The following ASIC2 variants were observed in gnomAD, a reference collection of about 807,000 sequenced individuals.
ASIC2 encodes the protein acid sensing ion channel subunit 2.
ASIC2 carries 25 observed loss-of-function variants against 57.3 expected under a neutral mutation model. The ratio of observed to expected loss-of-function variants is 0.44; its 90% CI spans 0.32 to 0.61. The LOEUF (loss-of-function observed/expected upper bound fraction) is 0.61. Ranked by LOEUF, ASIC2 falls within the 20% of genes least tolerant of loss-of-function variation. The probability of loss-of-function intolerance (pLI) is 0.06; values close to 1 mark genes in which losing one functional copy is unlikely to be tolerated. For missense variants in ASIC2, 641 were observed against 738.1 expected (o/e 0.87, Z 1.52); for synonymous variants, 319 against 307.5 (o/e 1.04, Z -0.39).
chr17:33,391,122 A>T (rs1024274582), intron 1 of ASIC2, among the ~76,000 whole-genome samples: 5 of 152,202 alleles, frequency 3.3e-5, no homozygotes, highest in African/African-American at 4.8e-5. Flanking sequence ...AGAATATGAG[A>T]GCTGAAATGG....
At chr17:33,994,998 T>C (rs926008556) in intron 1 of ASIC2, among the ~76,000 whole-genome samples, 1 of 152,124 alleles carries the variant, frequency 6.6e-6, no homozygotes, top group Non-Finnish European at 1.5e-5. Context: ...ATTGGGGACA[T>C]CAAAGAAATC....
intron 1 of ASIC2, among the ~76,000 whole-genome samples, chr17:33,988,977 G>T (rs1042457495): frequency 2.0e-5 from 3 of 152,022 alleles, no homozygotes; most frequent in African/African-American, 4.8e-5. Context: ...CCACTTCTAT[G>T]CCCCTCCTCC....
intron 1 of ASIC2, among the ~76,000 whole-genome samples, chr17:33,761,211 A>G (rs974672840): frequency 7.2e-5 from 11 of 152,128 alleles, no homozygotes; most frequent in Admixed American, 2.6e-4. Flanking sequence ...CTGCAAATAC[A>G]CTATTCTCAG....
intron 1 of ASIC2, among the ~76,000 whole-genome samples, chr17:33,949,079 C>T (rs1242649595): frequency 6.7e-6 from 1 of 150,188 alleles, no homozygotes; most frequent in African/African-American, 2.4e-5. Flanking sequence ...GGCACAAAAC[C>T]TTCTTCTTTT....
intron 1 of ASIC2, among the ~76,000 whole-genome samples, chr17:33,866,138 C>T (rs1375303674): frequency 6.6e-6 from 1 of 152,046 alleles, no homozygotes; most frequent in Non-Finnish European, 1.5e-5. Context: ...ATTGATTTAT[C>T]CATTCCAATG....
chr17:33,514,373 C>G (rs539138802), intron 1 of ASIC2, among the ~76,000 whole-genome samples: 84 of 152,238 alleles, frequency 5.5e-4, no homozygotes, highest in African/African-American at 1.6e-3. Context: ...CTCCATCTCC[C>G]CATCCTCTCT....
chr17:33,573,820 C>T (rs868365702), intron 1 of ASIC2, among the ~76,000 whole-genome samples: 1 of 152,190 alleles, frequency 6.6e-6, no homozygotes. Flanking sequence ...CCCGCCTCGG[C>T]CTCCCAAAGT....
intron 1 of ASIC2, among the ~76,000 whole-genome samples, chr17:33,146,050 T>C (rs1265741294): frequency 6.6e-6 from 1 of 152,226 alleles, no homozygotes; most frequent in Non-Finnish European, 1.5e-5. Flanking sequence ...GCTATCTTAG[T>C]CACTTGAGCA....
chr17:34,149,864 A>G (rs917584873), intron 1 of ASIC2, among the ~76,000 whole-genome samples: 11 of 152,212 alleles, frequency 7.2e-5, no homozygotes, highest in African/African-American at 2.7e-4. Flanking sequence ...GAAGTACCAT[A>G]TGATCTAGCA....
intron 1 of ASIC2, among the ~76,000 whole-genome samples, chr17:33,843,963 G>A (rs1036841755): frequency 7.2e-5 from 11 of 152,146 alleles, no homozygotes; most frequent in African/African-American, 1.7e-4. Flanking sequence ...AACTGAACAC[G>A]AGGCTGTGTC....
At chr17:33,646,118 C>CG (rs1014359610) in intron 1 of ASIC2, among the ~76,000 whole-genome samples, 2 of 152,098 alleles carry the variant, frequency 1.3e-5, no homozygotes, top group African/African-American at 4.8e-5. Flanking sequence ...CCCAGCTCAC[C>CG]GGGGGTTTGG....
At chr17:33,667,923 A>G (rs1306796991) in intron 1 of ASIC2, among the ~76,000 whole-genome samples, 2 of 152,308 alleles carry the variant, frequency 1.3e-5, no homozygotes, top group East Asian at 3.9e-4. Flanking sequence ...CAACCTCGTG[A>G]CCATTATCGG....
At chr17:33,633,472 A>G (rs9910298) in intron 1 of ASIC2, among the ~76,000 whole-genome samples, 45,506 of 152,116 alleles carry the variant, frequency 0.3, 6,968 homozygotes, top group East Asian at 0.42. Context: ...TGGGTGCCCC[A>G]AACTTGGCCA....
intron 1 of ASIC2, among the ~76,000 whole-genome samples, chr17:33,324,294 G>A (rs1246404611): frequency 6.7e-6 from 1 of 148,550 alleles, no homozygotes; most frequent in Non-Finnish European, 1.5e-5. Context: ...ACAGAGCAAG[G>A]GTTTTTTTTT....
Position 33,875,095 on chromosome 17 carries a change from C to T in ASIC2, c.555+280883G>A, listed in dbSNP as rs564391733. On this transcript the variant is annotated intron_variant, in intron 1 of 9. Transcript: ENST00000359872. ...GAGAGCCAAAGGGAGTCCAGGAATG[C>T]GGGAATAATGCAGGGATTGGAATGT... Among the ~76,000 whole-genome samples the T allele has an allele frequency of 3.9e-5, 6 of 152,198 alleles. No individual in the cohort carries two copies. The East Asian group carries it at 9.7e-4, about 25-fold the overall frequency.
intron 1 of ASIC2, among the ~76,000 whole-genome samples, chr17:33,214,762 A>G (rs1169326514): frequency 6.6e-6 from 1 of 152,188 alleles, no homozygotes; most frequent in Non-Finnish European, 1.5e-5. Context: ...GACAGAAACC[A>G]CAGAGCTCAA....
chr17:33,369,000 C>T (rs986119395), intron 1 of ASIC2, among the ~76,000 whole-genome samples: 8 of 152,136 alleles, frequency 5.3e-5, no homozygotes, highest in African/African-American at 1.7e-4. Flanking sequence ...CCTTCCTGTT[C>T]TTGAAGATGG....
At chr17:33,586,305 G>T (rs1272271227) in intron 1 of ASIC2, among the ~76,000 whole-genome samples, 1 of 152,110 alleles carries the variant, frequency 6.6e-6, no homozygotes, top group East Asian at 1.9e-4. Context: ...ATCTAGGGGG[G>T]CAGGGGGACC....
At chr17:33,993,933 G>T (rs575291653) in intron 1 of ASIC2, among the ~76,000 whole-genome samples, 1 of 152,134 alleles carries the variant, frequency 6.6e-6, no homozygotes, top group Non-Finnish European at 1.5e-5. Context: ...CACAGTGACT[G>T]ATCTTTTTCT....
Sources: gnomAD v4.1 joint callset for allele counts (sites outside exome capture counted in the v4.1 genomes callset) on GRCh38, gnomAD v4.1.1 for gene constraint, MANE v1.5 for transcripts, NCBI Gene and HGNC (gene_info 2026-07-23, HGNC 2026-07-21) for gene names.